The following MALRD1 variants were observed in gnomAD, a reference collection of about 807,000 sequenced individuals.
The protein encoded by MALRD1 is MAM and LDL-receptor class A domain-containing protein 1.
MALRD1 carries 247 observed loss-of-function variants against 242.1 expected under a neutral mutation model. The ratio of observed to expected loss-of-function variants is 1.02; its 90% CI spans 0.92 to 1.13. MALRD1 has a LOEUF of 1.13. Ranked by LOEUF, MALRD1 falls within the 50% of genes most tolerant of loss-of-function variation. The probability of loss-of-function intolerance (pLI) is 0.00; values close to 1 mark genes in which losing one functional copy is unlikely to be tolerated. For missense variants in MALRD1, 2,989 were observed against 2,533.1 expected (o/e 1.18, Z -3.86); for synonymous variants, 995 against 866.6 (o/e 1.15, Z -2.60).
intron 28 of MALRD1, among the ~76,000 whole-genome samples, chr10:19,448,585 T>G (rs1049997597): frequency 2.6e-5 from 4 of 152,144 alleles, no homozygotes; most frequent in Non-Finnish European, 4.4e-5. Context: ...TTTAATGAAG[T>G]TGTCATTTTT....
intron 29 of MALRD1, among the ~76,000 whole-genome samples, chr10:19,456,700 T>C (rs970318749): frequency 6.6e-6 from 1 of 152,210 alleles, no homozygotes; most frequent in Admixed American, 6.5e-5. Flanking sequence ...AAGAAGGCAA[T>C]GAGTAGAAAA....
intron 19 of MALRD1, among the ~76,000 whole-genome samples, chr10:19,267,885 G>C: frequency 6.6e-6 from 1 of 152,184 alleles, no homozygotes; most frequent in Non-Finnish European, 1.5e-5. Context: ...CTTTGGTGTA[G>C]TCTGTAAATT....
intron 21 of MALRD1, among the ~76,000 whole-genome samples, chr10:19,300,987 A>G (rs1038651094): frequency 2.0e-5 from 3 of 152,050 alleles, no homozygotes; most frequent in Non-Finnish European, 2.9e-5. Flanking sequence ...TCCAGAATCT[A>G]TAAGGAACTT....
chr10:19,048,642 G>T (rs139467216), upstream of MALRD1: 1 of 215,222 alleles, frequency 4.6e-6, no homozygotes, highest in Non-Finnish European at 9.1e-6. Flanking sequence ...TCAGGAGATA[G>T]CAAGACCATA....
At chr10:19,589,202 G>T (rs1837622494) in intron 33 of MALRD1, among the ~76,000 whole-genome samples, 1 of 152,128 alleles carries the variant, frequency 6.6e-6, no homozygotes, top group South Asian at 2.1e-4. Flanking sequence ...TAGATGGGTG[G>T]ATAGATAGAT....
intron 7 of MALRD1, among the ~76,000 whole-genome samples, chr10:19,125,295 TTCCTTCC>T (rs1564407747): frequency 1.7e-4 from 6 of 34,958 alleles, no homozygotes; most frequent in South Asian, 1.1e-3. Flanking sequence ...CTTTCTTTCC[TTCCTTCC>T]TTCCTTCCTT....
At chr10:19,670,314 C>G (rs1170090520) in intron 36 of MALRD1, among the ~76,000 whole-genome samples, 1 of 152,144 alleles carries the variant, frequency 6.6e-6, no homozygotes, top group Admixed American at 6.5e-5. Flanking sequence ...CAAGTTGTTC[C>G]ATCAGCAAAC....
Position 19,594,326 on chromosome 10 carries a change from G to A in MALRD1, c.5681-868G>A, listed in dbSNP as rs867498000. On this transcript the variant is annotated intron_variant, in intron 33 of 39. Coordinates refer to ENST00000454679, the MANE Select transcript of MALRD1 (RefSeq NM_001142308.3). ...TGATAAGAATGGCCATAATTAAAAA[G>A]TCAGAAAACAGTAGAAGTTGGTGCG... 5.3e-5 allele frequency among the ~76,000 whole-genome samples: 8 copies of A among 152,074 alleles called. No individual in the cohort carries two copies. The South Asian group carries it at 1.7e-3, about 32-fold the overall frequency.
At chr10:19,133,765 A>G in intron 8 of MALRD1, 91 bp from the exon 9 acceptor site, 1 of 487,560 alleles carries the variant, frequency 2.1e-6, no homozygotes. Flanking sequence ...AGGTAAGGTA[A>G]TACCTACTAC....
chr10:19,395,860 T>G (rs1243237136), intron 28 of MALRD1, among the ~76,000 whole-genome samples: 1 of 152,218 alleles, frequency 6.6e-6, no homozygotes, highest in Non-Finnish European at 1.5e-5. Flanking sequence ...GTGTCTCTAC[T>G]ATTTCCAAGT....
At chr10:19,452,384 G>A (rs2131048989) in intron 29 of MALRD1, among the ~76,000 whole-genome samples, 1 of 152,266 alleles carries the variant, frequency 6.6e-6, no homozygotes, top group East Asian at 1.9e-4. Context: ...GGCTTACTAA[G>A]TTATACTTTA....
Position 19,327,641 on chromosome 10 carries a change from G to T in MALRD1, c.3655G>T (p.Glu1219Ter). 1.3e-6 allele frequency: 2 copies of T among 1,549,816 alleles called. No individual in the cohort carries two copies. The highest frequency in any genetic ancestry group is 2.4e-5 in the South Asian group (2 of 84,030). The change falls in exon 23 of 40, where the codon GAA becomes TAA. Residue 1219 changes from glutamate to a stop codon, truncating the protein, a stop_gained. Coordinates refer to ENST00000454679, the MANE Select transcript of MALRD1 (RefSeq NM_001142308.3). LOFTEE classifies it high-confidence loss of function. ...GQQGAQWKRA[E>*]VFLGIRSHTQ... ...GCAAGGTGCACAGTGGAAGAGAGCA[G>T]AAGTGTTTTTAGGCATTCGTTCACA... is the stretch of plus-strand genomic sequence containing the variant.
intron 24 of MALRD1, among the ~76,000 whole-genome samples, chr10:19,344,468 G>A (rs1239100134): frequency 6.6e-6 from 1 of 151,874 alleles, no homozygotes; most frequent in Non-Finnish European, 1.5e-5. Flanking sequence ...TACTTACATG[G>A]AGCTATTTCT....
At chr10:19,253,990 A>C (rs1839402725) in intron 18 of MALRD1, among the ~76,000 whole-genome samples, 1 of 151,858 alleles carries the variant, frequency 6.6e-6, no homozygotes, top group Non-Finnish European at 1.5e-5. Flanking sequence ...CTCGTGTCTC[A>C]TTCTCTCTCC....
intron 18 of MALRD1, among the ~76,000 whole-genome samples, chr10:19,241,357 T>C (rs768540770): frequency 1.1e-4 from 17 of 152,152 alleles, no homozygotes; most frequent in Admixed American, 5.9e-4. Flanking sequence ...TCAAATTTGT[T>C]GGCATATAGT....
intron 5 of MALRD1, among the ~76,000 whole-genome samples, chr10:19,108,955 T>C (rs1374442443): frequency 6.6e-6 from 1 of 152,196 alleles, no homozygotes; most frequent in East Asian, 1.9e-4. Flanking sequence ...TCCAATTTTA[T>C]AGAATGGCTT....
At chr10:19,178,678 T>G (rs2131551489) in intron 14 of MALRD1, among the ~76,000 whole-genome samples, 1 of 152,332 alleles carries the variant, frequency 6.6e-6, no homozygotes, top group Admixed American at 6.5e-5. Context: ...TTTTGCATTC[T>G]GTTTATTTGT....
At chr10:19,241,178 A>T (rs535083682) in intron 18 of MALRD1, among the ~76,000 whole-genome samples, 1 of 151,938 alleles carries the variant, frequency 6.6e-6, no homozygotes, top group Non-Finnish European at 1.5e-5. Context: ...AGCAGTGAAG[A>T]CATCAGGTCC....
chr10:19,129,201 C>A (rs1273787308), intron 8 of MALRD1, among the ~76,000 whole-genome samples: 1 of 152,098 alleles, frequency 6.6e-6, no homozygotes, highest in African/African-American at 2.4e-5. Flanking sequence ...ATGTCAATCA[C>A]AAGCTTCCTA....
Sources: allele counts gnomAD v4.1 joint callset (sites outside exome capture counted in the v4.1 genomes callset), GRCh38; gene constraint gnomAD v4.1.1; transcripts MANE v1.5; gene names NCBI Gene and HGNC (gene_info 2026-07-23, HGNC 2026-07-21).